ABCB9: variants seen among roughly 807,000 people sequenced by gnomAD.
ABCB9 encodes ATP binding cassette subfamily B member 9, also known as ABC-type oligopeptide transporter ABCB9.
A neutral mutation model predicts 62.0 loss-of-function variants in ABCB9; 36 were observed. The ratio of observed to expected loss-of-function variants is 0.58; its 90% CI spans 0.45 to 0.77. The LOEUF (loss-of-function observed/expected upper bound fraction) is 0.77, where lower values mean the gene tolerates loss of function less well. Ranked by LOEUF, ABCB9 falls within the 30% of genes least tolerant of loss-of-function variation. The pLI is 0.00. For synonymous variants in ABCB9, 435 were observed against 461.4 expected, an observed-to-expected ratio of 0.94 and a Z score of 0.73; for missense variants, 943 against 1,054.7, an observed-to-expected ratio of 0.89 and a Z score of 1.47.
chr12:122,956,422 T>G (rs1479777692), intron 2 of ABCB9, among the ~76,000 whole-genome samples: 1 of 152,244 alleles, frequency 6.6e-6, no homozygotes, highest in Non-Finnish European at 1.5e-5. Context: ...GGGCCAGCTC[T>G]GGGTTTGCCT....
Position 122,947,553 on chromosome 12 carries a change from G to T in ABCB9, c.1053+1071C>A. ...CCACGTGGGCCTGGGTGACTGTGAG[G>T]GGGTTGCCTGTACCTGTCACAGGGT... is the stretch of plus-strand genomic sequence containing the variant. On this transcript the variant is annotated intron_variant, in intron 5 of 11. Coordinates refer to ENST00000280560, the MANE Select transcript of ABCB9 (RefSeq NM_019625.4). The surrounding 1 kb of genome is among the most constrained non-coding windows in gnomAD (Gnocchi z 6.0). 2.3e-6 allele frequency: 1 copy of T among 438,760 alleles called. No homozygotes were observed. The highest frequency in any genetic ancestry group is 1.6e-5 in the South Asian group (1 of 62,284). 27.2% of individuals were successfully genotyped at this position (438,760 alleles called of 1,614,324 possible).
rs1265784474 is a variant in ABCB9 at position 122,930,206 on chromosome 12, C to T, written c.2041-35G>A. ...CAGTGGGGGCCTGGCTTGCATGGCACGGACGCCCCACCCGCAACCGTGCTT... is the reference window on the plus strand; with the variant it reads ...CAGTGGGGGCCTGGCTTGCATGGCATGGACGCCCCACCCGCAACCGTGCTT... On this transcript the variant is annotated intron_variant, in intron 11 of 11. Coordinates refer to ENST00000280560, the MANE Select transcript of ABCB9 (RefSeq NM_019625.4). The surrounding 1 kb of genome is among the most constrained non-coding windows in gnomAD (Gnocchi z 4.9). 4 of 1,510,648 alleles carry T rather than the reference C, an allele frequency of 2.6e-6. No individual in the cohort carries two copies. Among genetic ancestry groups the T allele is most frequent in the African/African-American group, 1.4e-5 (1 of 72,564 alleles). The allele number at this position is 1,510,648 out of a possible 1,614,324, so 93.6% of individuals were successfully genotyped here.
chr12:122,945,751 G>A (rs899092300), intron 6 of ABCB9, among the ~76,000 whole-genome samples: 4 of 151,918 alleles, frequency 2.6e-5, no homozygotes, highest in African/African-American at 7.2e-5. Flanking sequence ...GGTGGCGGGC[G>A]CCTGTGGTCC....
At chr12:122,954,144 C>T (rs1428066597) in intron 2 of ABCB9, among the ~76,000 whole-genome samples, 3 of 151,372 alleles carry the variant, frequency 2.0e-5, no homozygotes, top group Non-Finnish European at 4.4e-5. Context: ...CTCCATCCAG[C>T]CTGGGTGACA....
chr12:122,961,150 T>C (rs1268210134), intron 1 of ABCB9, among the ~76,000 whole-genome samples: 1 of 151,000 alleles, frequency 6.6e-6, no homozygotes, highest in African/African-American at 2.4e-5. Context: ...TGAGGGTGAA[T>C]AGGATAGGGG....
chr12:122,924,764 C>T (rs1284373530), downstream of ABCB9: 3 of 1,534,378 alleles, frequency 2.0e-6, no homozygotes, highest in Admixed American at 3.9e-5. Flanking sequence ...CTGTGCTGTT[C>T]CCAAAGCCCT....
upstream of ABCB9, among the ~76,000 whole-genome samples, chr12:122,971,403 A>G (rs2037269087): frequency 6.7e-6 from 1 of 150,322 alleles, no homozygotes; most frequent in South Asian, 2.1e-4. Flanking sequence ...AAAAAAAAAA[A>G]AAATCAAAAA....
Position 122,960,277 on chromosome 12 carries a change from AGCTC to A in ABCB9, c.-46_-43del. On this transcript the variant is annotated 5_prime_UTR_variant, in exon 2 of 12. The change abolishes the stop of an existing upstream ORF in the 5' untranslated region. Transcript: ENST00000280560. ...GGGCGGGTGCTGAAGGCCAGGTTGT[AGCTC>A]ACGGGGGCAAGGCCATCATCATCCA... is the stretch of plus-strand genomic sequence containing the variant. 1 of 1,586,406 alleles carries A rather than the reference AGCTC, an allele frequency of 6.3e-7. No homozygotes were observed. Among genetic ancestry groups the A allele is most frequent in the Non-Finnish European group, 8.6e-7 (1 of 1,164,706 alleles).
At chr12:122,974,914 G>T (rs1002014766) in exon 1 of ABCB9, 14 of 210,404 alleles carry the variant, frequency 6.7e-5, no homozygotes, top group African/African-American at 3.2e-4. Context: ...CAGACGGCGG[G>T]GGGTGGGTCG....
intron 1 of ABCB9, among the ~76,000 whole-genome samples, chr12:122,961,290 C>T (rs1038899362): frequency 6.2e-4 from 94 of 152,118 alleles, no homozygotes; most frequent in African/African-American, 2.0e-3. Flanking sequence ...CTGGTTCAAG[C>T]GATTCTCCTG....
chr12:122,970,712 AAAAAT>A (rs1327854156), upstream of ABCB9, among the ~76,000 whole-genome samples: 1 of 152,236 alleles, frequency 6.6e-6, no homozygotes, highest in East Asian at 1.9e-4. Flanking sequence ...AAACATAAAC[AAAAAT>A]AAAATAAAAT....
Position 122,948,652 on chromosome 12 carries a change from A to G in ABCB9, c.1025T>C (p.Val342Ala), listed in dbSNP as rs1488648821. 6.2e-7 allele frequency: 1 copy of G among 1,613,632 alleles called. No individual in the cohort carries two copies. Among genetic ancestry groups the G allele is most frequent in the South Asian group, 1.1e-5 (1 of 91,048 alleles). ...TFMGFPIIMM[V>A]SNIYGKYYKR... ...GTAGTACTTGCCGTAGATGTTGGACACCATCATGATGATGGGGAAGCCCAT... is the reference window on the plus strand; with the variant it reads ...GTAGTACTTGCCGTAGATGTTGGACGCCATCATGATGATGGGGAAGCCCAT... Residue 342 changes from valine (V) to alanine (A), a missense_variant, in exon 5 of 12, where the codon GTG (valine) becomes GCG (alanine). Transcript: ENST00000280560.
At chr12:122,937,216 G>C (rs1458070172) in intron 9 of ABCB9, among the ~76,000 whole-genome samples, 1 of 151,886 alleles carries the variant, frequency 6.6e-6, no homozygotes, top group Non-Finnish European at 1.5e-5. Context: ...AAAATTAGCC[G>C]GGTGTGGTGG....
At chr12:122,962,832 T>C (rs1197924656) in intron 1 of ABCB9, among the ~76,000 whole-genome samples, 1 of 152,188 alleles carries the variant, frequency 6.6e-6, no homozygotes, top group Non-Finnish European at 1.5e-5. Context: ...AGATGTGCAC[T>C]GTCATCCCTT....
intron 7 of ABCB9, among the ~76,000 whole-genome samples, chr12:122,941,537 G>T (rs1002558844): frequency 8.6e-5 from 13 of 151,988 alleles, no homozygotes; most frequent in Admixed American, 8.5e-4. Flanking sequence ...TCAAACTCCT[G>T]ACCTTAAGTG....
At chr12:122,970,973 A>G (rs2037264008), upstream of ABCB9, among the ~76,000 whole-genome samples, 4 of 152,204 alleles carry the variant, frequency 2.6e-5, no homozygotes, top group South Asian at 8.3e-4. Flanking sequence ...AAAACGGTGG[A>G]GACAGTACAA....
chr12:122,942,309 C>A (rs1041109756), intron 7 of ABCB9, among the ~76,000 whole-genome samples: 1 of 151,834 alleles, frequency 6.6e-6, no homozygotes, highest in Non-Finnish European at 1.5e-5. Context: ...CAGAGCTGGC[C>A]GGGCACAGTG....
At chr12:122,927,203 G>A (rs1045636132), downstream of ABCB9, among the ~76,000 whole-genome samples, 18 of 151,080 alleles carry the variant, frequency 1.2e-4, no homozygotes, top group Admixed American at 6.6e-5. Context: ...AGACAGTCTC[G>A]CTCTGTCACC....
At chr12:122,973,595 A>C (rs913255536) in intron 1 of ABCB9, among the ~76,000 whole-genome samples, 79 of 144,116 alleles carry the variant, frequency 5.5e-4, no homozygotes, top group Middle Eastern at 7.8e-3. Context: ...AAAAAAAAAA[A>C]AAAAAAAAAA....
Sources: allele counts gnomAD v4.1 joint callset (sites outside exome capture counted in the v4.1 genomes callset), GRCh38; gene constraint gnomAD v4.1.1; non-coding constraint Gnocchi (gnomAD v3.1); transcripts MANE v1.5; gene names NCBI Gene and HGNC (gene_info 2026-07-23, HGNC 2026-07-21).